NEDD4L: variants seen among roughly 807,000 people sequenced by gnomAD.
NEDD4L encodes the protein E3 ubiquitin-protein ligase NEDD4-like.
Under a neutral mutation model 148.9 loss-of-function variants are expected in NEDD4L, and 54 were observed. The observed-to-expected ratio is 0.36, with a 90% CI of 0.29 to 0.45. The LOEUF (loss-of-function observed/expected upper bound fraction) is 0.45, where lower values mean the gene tolerates loss of function less well. Ranked by LOEUF, NEDD4L falls within the 20% of genes least tolerant of loss-of-function variation. The pLI is 1.00. For missense variants in NEDD4L, 856 were observed against 1,233.8 expected (o/e 0.69, Z 4.59); for synonymous variants, 433 against 440.7 (o/e 0.98, Z 0.22).
At chr18:58,236,247 C>T (rs2046001983) in intron 2 of NEDD4L, among the ~76,000 whole-genome samples, 1 of 151,836 alleles carries the variant, frequency 6.6e-6, no homozygotes, top group African/African-American at 2.4e-5. Context: ...GTCCCAGCTA[C>T]TCAGGAGGCT....
intron 25 of NEDD4L, among the ~76,000 whole-genome samples, chr18:58,384,595 T>G (rs1326095848): frequency 6.6e-6 from 1 of 152,190 alleles, no homozygotes; most frequent in East Asian, 1.9e-4. Context: ...TCTTTTAGGG[T>G]TCAAACGTGG....
At chr18:58,062,311 C>G (rs1293388430) in intron 1 of NEDD4L, among the ~76,000 whole-genome samples, 1 of 152,040 alleles carries the variant, frequency 6.6e-6, no homozygotes, top group East Asian at 1.9e-4. Context: ...CTGAAAGGTG[C>G]CGGCTCAGGT....
At chr18:58,109,571 T>G (rs113310622) in intron 1 of NEDD4L, among the ~76,000 whole-genome samples, 15,451 of 132,884 alleles carry the variant, frequency 0.12, 1,023 homozygotes, top group Admixed American at 0.17. Flanking sequence ...GTTTTTTTTT[T>G]GTTTTTTTTT....
At chr18:58,374,480 C>G (rs1196531081) in intron 24 of NEDD4L, among the ~76,000 whole-genome samples, 1 of 151,466 alleles carries the variant, frequency 6.6e-6, no homozygotes, top group East Asian at 2.0e-4. Flanking sequence ...GCCTCCTCCC[C>G]ACCCCACTGT....
chr18:58,302,903 T>C (rs551353783), intron 5 of NEDD4L, among the ~76,000 whole-genome samples: 68 of 152,336 alleles, frequency 4.5e-4, no homozygotes, highest in Middle Eastern at 6.8e-3. Context: ...GTGATGTACT[T>C]CTTGGAGATA....
At chr18:58,093,587 A>G (rs1204926869) in intron 1 of NEDD4L, among the ~76,000 whole-genome samples, 1 of 152,148 alleles carries the variant, frequency 6.6e-6, no homozygotes, top group Middle Eastern at 3.2e-3. Flanking sequence ...GCGCATATTC[A>G]TGTTTCATGC....
At chr18:58,206,504 C>G (rs1395452856) in intron 2 of NEDD4L, among the ~76,000 whole-genome samples, 1 of 152,152 alleles carries the variant, frequency 6.6e-6, no homozygotes, top group Non-Finnish European at 1.5e-5. Context: ...TCAAATGTAA[C>G]CAGTTTATGG....
chr18:58,217,831 A>T (rs989531635), intron 2 of NEDD4L, among the ~76,000 whole-genome samples: 1 of 152,202 alleles, frequency 6.6e-6, no homozygotes, highest in Non-Finnish European at 1.5e-5. Context: ...ATAGTTTATG[A>T]ATTTGGAATC....
At chr18:58,161,030 T>C (rs1415175948) in intron 1 of NEDD4L, among the ~76,000 whole-genome samples, 2 of 152,082 alleles carry the variant, frequency 1.3e-5, no homozygotes, top group African/African-American at 2.4e-5. Flanking sequence ...CTTTTTTTTT[T>C]CTTTGAGACA....
intron 2 of NEDD4L, among the ~76,000 whole-genome samples, chr18:58,201,552 T>A (rs567717475): frequency 1.3e-5 from 2 of 152,278 alleles, no homozygotes; most frequent in African/African-American, 4.8e-5. Context: ...GGGATGACAA[T>A]AGAAACAGGT....
At chr18:58,319,226 C>T (rs925114355) in intron 6 of NEDD4L, among the ~76,000 whole-genome samples, 2 of 152,102 alleles carry the variant, frequency 1.3e-5, no homozygotes, top group South Asian at 2.1e-4. Flanking sequence ...GGGGACTTGC[C>T]CAGCAATAAG....
chr18:58,276,356 A>T (rs1024458163), intron 5 of NEDD4L, among the ~76,000 whole-genome samples: 9 of 152,080 alleles, frequency 5.9e-5, no homozygotes, highest in East Asian at 3.9e-4. Context: ...ATACAGGCAC[A>T]TGCCACCACA....
chr18:58,375,149 T>A (rs1252316487), intron 24 of NEDD4L, among the ~76,000 whole-genome samples: 1 of 151,966 alleles, frequency 6.6e-6, no homozygotes, highest in Non-Finnish European at 1.5e-5. Flanking sequence ...CCTCATGCCA[T>A]CTCCCCGTGC....
In NEDD4L at chr18:58,150,922, G is replaced by A. The variant is rs2034648571; in HGVS notation, c.49-14866G>A. ...TTGCCTCACTGGCCCAGGTAAATTG[G>A]TGGACGTCCTTGACTCCTCCACCTC... On this transcript the variant is annotated intron_variant, in intron 1 of 30. Coordinates refer to ENST00000400345, the MANE Select transcript of NEDD4L (RefSeq NM_001144967.3). 2.6e-5 allele frequency among the ~76,000 whole-genome samples: 4 copies of A among 152,174 alleles called. No individual in the cohort carries two copies. The South Asian group carries it at 8.3e-4, about 32-fold the overall frequency.
intron 5 of NEDD4L, among the ~76,000 whole-genome samples, chr18:58,280,813 A>G (rs1236589610): frequency 2.6e-5 from 4 of 152,238 alleles, no homozygotes; most frequent in South Asian, 4.1e-4. Flanking sequence ...ATATAGTCCC[A>G]TAACCAAGAA....
At chr18:58,191,575 T>C (rs113764294) in intron 2 of NEDD4L, among the ~76,000 whole-genome samples, 1 of 152,236 alleles carries the variant, frequency 6.6e-6, no homozygotes, top group African/African-American at 2.4e-5. Flanking sequence ...GGCCTTGGTA[T>C]GTACAACTTA....
chr18:58,125,385 G>GTGTT (rs2030872977), intron 1 of NEDD4L, among the ~76,000 whole-genome samples: 1 of 151,982 alleles, frequency 6.6e-6, no homozygotes, highest in South Asian at 2.1e-4. Flanking sequence ...GTGTGTGTGT[G>GTGTT]TGTTTCTGAA....
At chr18:58,283,405 G>A (rs1009150298) in intron 5 of NEDD4L, among the ~76,000 whole-genome samples, 3 of 152,128 alleles carry the variant, frequency 2.0e-5, no homozygotes, top group African/African-American at 7.2e-5. Flanking sequence ...GCCTGTGTTC[G>A]AAAGTGGCAC....
At chr18:58,333,756 C>T in intron 11 of NEDD4L, 62 bp from the exon 12 acceptor site, 1 of 1,167,474 alleles carries the variant, frequency 8.6e-7, no homozygotes, top group Non-Finnish European at 1.3e-6. Flanking sequence ...TTTGTTAAAC[C>T]AATGAAAGTT....
Sources: allele counts gnomAD v4.1 joint callset (sites outside exome capture counted in the v4.1 genomes callset), GRCh38; gene constraint gnomAD v4.1.1; transcripts MANE v1.5; gene names NCBI Gene and HGNC (gene_info 2026-07-23, HGNC 2026-07-21).